Variants in COG6 observed in about 807,000 individuals in gnomAD.
The protein encoded by COG6 is component of oligomeric golgi complex 6, also known as conserved oligomeric Golgi complex subunit 6.
A neutral mutation model predicts 88.8 loss-of-function variants in COG6; 74 were observed. The ratio of observed to expected loss-of-function variants is 0.83; its 90% CI spans 0.69 to 1.01. COG6 has a LOEUF of 1.01. Ranked by LOEUF, COG6 falls within the 50% of genes least tolerant of loss-of-function variation. The pLI, the probability that COG6 is intolerant of heterozygous loss-of-function variation, is 0.00. For synonymous variants in COG6, 286 were observed against 278.7 expected, an observed-to-expected ratio of 1.03 and a Z score of -0.26; for missense variants, 800 against 797.9, an observed-to-expected ratio of 1.00 and a Z score of -0.03.
At chr13:39,677,200 A>G (rs572401311) in intron 4 of COG6, among the ~76,000 whole-genome samples, 1 of 152,270 alleles carries the variant, frequency 6.6e-6, no homozygotes, top group South Asian at 2.1e-4. Context: ...TAATGCAGGG[A>G]CCATGCATGG....
At chr13:39,698,191 T>A (rs982899440) in intron 12 of COG6, among the ~76,000 whole-genome samples, 20 of 151,112 alleles carry the variant, frequency 1.3e-4, no homozygotes, top group Non-Finnish European at 2.5e-4. Flanking sequence ...AAAAAAAAAA[T>A]GAATGTAAAT....
chr13:39,731,780 A>G (rs1041058384), intron 18 of COG6, among the ~76,000 whole-genome samples: 2 of 152,090 alleles, frequency 1.3e-5, no homozygotes, highest in Non-Finnish European at 2.9e-5. Context: ...ATTCACTTGT[A>G]CTATCAGGAA....
rs202247150 is a variant in COG6, at chr13:39,655,718, C to T, written c.-9C>T. ...TGAGGTGGCAGCAGGGGGCGGGACGCGCAGCGCTATGGCAGAGGGCAGCGG... is the reference window on the plus strand; with the variant it reads ...TGAGGTGGCAGCAGGGGGCGGGACGTGCAGCGCTATGGCAGAGGGCAGCGG... On this transcript the variant is annotated 5_prime_UTR_variant, in exon 1 of 19. Coordinates refer to ENST00000455146, the MANE Select transcript of COG6 (RefSeq NM_020751.3). The T allele has an allele frequency of 1.9e-6, 3 of 1,587,168 alleles. No homozygotes were observed. The highest frequency in any genetic ancestry group is 2.3e-5 in the East Asian group (1 of 43,296).
chr13:39,749,088 G>T (rs1880489596), intron 18 of COG6, among the ~76,000 whole-genome samples: 2 of 152,092 alleles, frequency 1.3e-5, no homozygotes, highest in African/African-American at 4.8e-5. Flanking sequence ...TACTATTACT[G>T]CTATAACTAT....
chr13:39,661,853 C>A (rs1874915748), intron 3 of COG6, among the ~76,000 whole-genome samples: 1 of 151,398 alleles, frequency 6.6e-6, no homozygotes, highest in South Asian at 2.1e-4. Flanking sequence ...TTTTAGCTTC[C>A]ATGACGTAAT....
At chr13:39,686,007 G>C (rs1876616724) in intron 8 of COG6, among the ~76,000 whole-genome samples, 1 of 152,134 alleles carries the variant, frequency 6.6e-6, no homozygotes. Flanking sequence ...CTATTTGCCA[G>C]TTCTACAGAC....
chr13:39,782,482 C>G (rs1440219498), intron 18 of COG6, among the ~76,000 whole-genome samples: 1 of 152,172 alleles, frequency 6.6e-6, no homozygotes, highest in East Asian at 1.9e-4. Flanking sequence ...GGAGGCCCCC[C>G]TCTTGTCCAG....
At position 39,716,417 on chromosome 13, in the gene COG6, T is replaced by C. The variant is rs542275421; in HGVS notation, c.1285-2819T>C. ...TGTGTCTCTTGAAGTTGGCATATAG[T>C]TGGTACATGGTGTGGTTTTTCAAAT... On this transcript the variant is annotated intron_variant, in intron 13 of 18. Coordinates refer to ENST00000455146, the MANE Select transcript of COG6 (RefSeq NM_020751.3). 4.6e-5 allele frequency among the ~76,000 whole-genome samples: 7 copies of C among 152,224 alleles called. No homozygotes were observed. In the South Asian group the frequency reaches 1.4e-3, roughly 32 times the overall value.
At position 39,693,992 on chromosome 13, in the gene COG6, A is replaced by G. The variant is rs575717493; in HGVS notation, c.1075-642A>G. ...AAGTAAGCATTTATCAGTGTAGTTT[A>G]GATTGTATTCATTAATGAGATAATA... On this transcript the variant is annotated intron_variant, in intron 11 of 18. Transcript: ENST00000455146. Among the ~76,000 whole-genome samples, 4 of 152,010 alleles carry G rather than the reference A, an allele frequency of 2.6e-5. No homozygotes were observed. In the East Asian group the frequency reaches 7.7e-4, roughly 29 times the overall value.
exon 19 of COG6, chr13:39,789,252 G>A (rs1322853673): frequency 3.3e-5 from 5 of 152,096 alleles, no homozygotes; most frequent in South Asian, 2.1e-4. Context: ...ATGCTGCCTC[G>A]ATTTTTAAAA....
downstream of COG6, among the ~76,000 whole-genome samples, chr13:39,756,011 C>A (rs1880823364): frequency 6.6e-6 from 1 of 152,104 alleles, no homozygotes; most frequent in African/African-American, 2.4e-5. Flanking sequence ...ACAGATAGCC[C>A]AGATATTGAA....
At chr13:39,679,677 A>G in intron 6 of COG6, 57 bp downstream of exon 6, 1 of 996,248 alleles carries the variant, frequency 1.0e-6, no homozygotes, top group Non-Finnish European at 1.6e-6. Flanking sequence ...AAAATTTTAA[A>G]GATATTCTAG....
chr13:39,710,430 C>T (rs546863406), intron 13 of COG6, among the ~76,000 whole-genome samples: 1 of 151,962 alleles, frequency 6.6e-6, no homozygotes, highest in East Asian at 1.9e-4. Flanking sequence ...TTAAAAATAT[C>T]ATTGGGACTG....
chr13:39,678,023 A>G, intron 5 of COG6: 1 of 442,242 alleles, frequency 2.3e-6, no homozygotes, highest in Non-Finnish European at 4.5e-6. Flanking sequence ...TGTTCTCTTT[A>G]TCTCCTTCAT....
At chr13:39,688,775 A>G (rs1566180549) in intron 10 of COG6, among the ~76,000 whole-genome samples, 1 of 152,140 alleles carries the variant, frequency 6.6e-6, no homozygotes, top group Admixed American at 6.5e-5. Flanking sequence ...CAGAATTCCA[A>G]ATCTTCTTAG....
intron 13 of COG6, among the ~76,000 whole-genome samples, chr13:39,703,305 G>A (rs1256780503): frequency 2.6e-5 from 4 of 152,108 alleles, no homozygotes; most frequent in Middle Eastern, 6.8e-3. Flanking sequence ...GAGCAAAAGC[G>A]ACATTTTGTT....
At chr13:39,742,949 C>A (rs1268972684) in intron 18 of COG6, among the ~76,000 whole-genome samples, 7 of 152,178 alleles carry the variant, frequency 4.6e-5, no homozygotes, top group African/African-American at 1.7e-4. Context: ...GATTAAGAAA[C>A]TCACTCAAAA....
intron 18 of COG6, among the ~76,000 whole-genome samples, chr13:39,765,167 T>C (rs1881128732): frequency 6.6e-6 from 1 of 152,160 alleles, no homozygotes; most frequent in Admixed American, 6.5e-5. Flanking sequence ...AAAGAGTCGC[T>C]AAGAGACTTC....
At chr13:39,715,386 C>T (rs553383097) in intron 13 of COG6, among the ~76,000 whole-genome samples, 62 of 151,992 alleles carry the variant, frequency 4.1e-4, no homozygotes, top group African/African-American at 1.4e-3. Flanking sequence ...GTTTGTAGTT[C>T]TACTAGAGCT....
Sources: gnomAD v4.1 joint callset for allele counts (sites outside exome capture counted in the v4.1 genomes callset) on GRCh38, gnomAD v4.1.1 for gene constraint, MANE v1.5 for transcripts, NCBI Gene and HGNC (gene_info 2026-07-23, HGNC 2026-07-21) for gene names.